Variants in PDE4D observed in about 807,000 individuals in gnomAD.
The protein encoded by PDE4D is phosphodiesterase 4D, also known as 3',5'-cyclic-AMP phosphodiesterase 4D.
PDE4D carries 24 observed loss-of-function variants against 87.4 expected under a neutral mutation model. That is an observed-to-expected ratio of 0.27 (90% CI 0.20 to 0.39). The LOEUF (loss-of-function observed/expected upper bound fraction) is 0.39. PDE4D is among the 10% of genes least tolerant of loss of function. The pLI is 1.00. For synonymous variants in PDE4D, 384 were observed against 383.2 expected, an observed-to-expected ratio of 1.00 and a Z score of -0.02; for missense variants, 714 against 1,041.0, an observed-to-expected ratio of 0.69 and a Z score of 4.32.
At chr5:59,156,321 AT>A (rs1197222457) in intron 5 of PDE4D, among the ~76,000 whole-genome samples, 81 of 21,284 alleles carry the variant, frequency 3.8e-3, no homozygotes, top group Middle Eastern at 0.018. Context: ...AAAAAAAAAA[AT>A]ATATATATAT....
At chr5:59,118,954 G>A (rs990361995) in intron 5 of PDE4D, among the ~76,000 whole-genome samples, 1 of 152,146 alleles carries the variant, frequency 6.6e-6, no homozygotes, top group Non-Finnish European at 1.5e-5. Context: ...TGAGAGAATT[G>A]TATAAAGTGG....
At chr5:59,676,098 TACAC>T (rs145556614) in intron 1 of PDE4D, among the ~76,000 whole-genome samples, 4,017 of 149,924 alleles carry the variant, frequency 0.027, 172 homozygotes, top group African/African-American at 0.086. Flanking sequence ...TATATGTATA[TACAC>T]ACACACACAC....
intron 2 of PDE4D, among the ~76,000 whole-genome samples, chr5:60,168,337 T>G (rs1325652587): frequency 6.6e-6 from 1 of 152,228 alleles, no homozygotes; most frequent in African/African-American, 2.4e-5. Context: ...GGAGGAAGAC[T>G]TTTAATGCCT....
intron 3 of PDE4D, among the ~76,000 whole-genome samples, chr5:59,969,001 CGA>C (rs747865965): frequency 1.4e-5 from 2 of 139,738 alleles, no homozygotes; most frequent in Admixed American, 6.9e-5. Flanking sequence ...ACCCCCCCCC[CGA>C]AAAAAAGAGA....
At chr5:60,321,786 A>T (rs1216552311) in intron 1 of PDE4D, among the ~76,000 whole-genome samples, 3 of 152,210 alleles carry the variant, frequency 2.0e-5, no homozygotes, top group Non-Finnish European at 4.4e-5. Flanking sequence ...ACAAATATGT[A>T]AAAATGTTCA....
intron 1 of PDE4D, among the ~76,000 whole-genome samples, chr5:60,281,255 T>C (rs183431160): frequency 6.6e-6 from 1 of 152,264 alleles, no homozygotes; most frequent in African/African-American, 2.4e-5. Context: ...AGATACTTTC[T>C]CCAAACGTAC....
intron 2 of PDE4D, among the ~76,000 whole-genome samples, chr5:60,133,551 GA>G (rs955965834): frequency 1.3e-5 from 2 of 151,588 alleles, no homozygotes; most frequent in African/African-American, 4.8e-5. Context: ...TAACTATCAT[GA>G]AAAAAAAGAC....
chr5:60,126,449 A>G (rs981229951), intron 2 of PDE4D, among the ~76,000 whole-genome samples: 4 of 152,200 alleles, frequency 2.6e-5, no homozygotes, highest in African/African-American at 9.7e-5. Flanking sequence ...TACCACTTCT[A>G]CCAAATCTTT....
In PDE4D at chr5:59,459,748, G is replaced by T. The variant is rs375076904; in HGVS notation, c.456-243780C>A. Among the ~76,000 whole-genome samples, 5 of 152,224 alleles carry T rather than the reference G, an allele frequency of 3.3e-5. 1 individual carries two copies. Among genetic ancestry groups the T allele is most frequent in the African/African-American group, 1.2e-4 (5 of 41,546 alleles). On this transcript the variant is annotated intron_variant, in intron 1 of 14. Transcript: ENST00000340635. ...CAATCTGTTCAATTCTTTTAGTTAC[G>T]GAAGGAAGCTAATTCAGTCCTGTGT...
At chr5:59,963,858 A>T (rs1284820677) in intron 3 of PDE4D, among the ~76,000 whole-genome samples, 2 of 152,136 alleles carry the variant, frequency 1.3e-5, no homozygotes, top group Non-Finnish European at 2.9e-5. Context: ...CAACCCTCCT[A>T]GACTGATGAA....
At chr5:60,407,818 C>T (rs1413690859) in intron 1 of PDE4D, among the ~76,000 whole-genome samples, 1 of 152,110 alleles carries the variant, frequency 6.6e-6, no homozygotes, top group Non-Finnish European at 1.5e-5. Context: ...TAGTTTAAAA[C>T]ATGGCTGCAA....
At chr5:59,681,308 G>T (rs972015915) in intron 1 of PDE4D, among the ~76,000 whole-genome samples, 1 of 152,094 alleles carries the variant, frequency 6.6e-6, no homozygotes, top group Non-Finnish European at 1.5e-5. Flanking sequence ...AATATTAAAG[G>T]ATAACAACCT....
In PDE4D at chr5:59,713,493, T is replaced by C. The variant is rs542371061; in HGVS notation, c.455+179675A>G. 1.8e-3 allele frequency among the ~76,000 whole-genome samples: 277 copies of C among 152,266 alleles called. 2 individuals are homozygous for C. Among genetic ancestry groups the C allele is most frequent in the African/African-American group, 6.5e-3 (270 of 41,550 alleles). On this transcript the variant is annotated intron_variant, in intron 1 of 14. Coordinates refer to ENST00000340635, the MANE Select transcript of PDE4D (RefSeq NM_001104631.2). ...CTCACACTCAGACAGTAAAGGCACG[T>C]TGAAACTGTGCATGATTCCTCTAGT...
intron 6 of PDE4D, chr5:58,999,486 T>TA: frequency 6.6e-7 from 1 of 1,509,198 alleles, no homozygotes; most frequent in Non-Finnish European, 9.0e-7. Flanking sequence ...AAGTAAGTCT[T>TA]ACCTTTATGT....
chr5:59,970,057 C>T (rs1011313777), intron 3 of PDE4D, among the ~76,000 whole-genome samples: 3 of 152,098 alleles, frequency 2.0e-5, no homozygotes, highest in African/African-American at 7.2e-5. Context: ...CATCTTTTTC[C>T]TCACGATTGT....
At chr5:58,996,579 G>A (rs1749285470) in intron 6 of PDE4D, among the ~76,000 whole-genome samples, 1 of 152,024 alleles carries the variant, frequency 6.6e-6, no homozygotes, top group African/African-American at 2.4e-5. Flanking sequence ...TCTCAATAAA[G>A]CAAAACAAGG....
intron 1 of PDE4D, among the ~76,000 whole-genome samples, chr5:59,447,659 T>TA (rs1456387491): frequency 6.6e-6 from 1 of 152,238 alleles, no homozygotes; most frequent in Non-Finnish European, 1.5e-5. Context: ...AGAATGTATG[T>TA]AAAAAACTTT....
intron 1 of PDE4D, among the ~76,000 whole-genome samples, chr5:59,662,509 TAA>T (rs542339418): frequency 2.0e-5 from 3 of 152,228 alleles, no homozygotes; most frequent in South Asian, 2.1e-4. Flanking sequence ...TTATTACTCA[TAA>T]AGTTTACTCT....
intron 5 of PDE4D, among the ~76,000 whole-genome samples, chr5:59,110,164 C>T (rs918743691): frequency 8.5e-5 from 13 of 152,234 alleles, no homozygotes; most frequent in Non-Finnish European, 8.8e-5. Context: ...AAGGCCAAAA[C>T]ACTTTGTAGC....
Sources: allele counts gnomAD v4.1 joint callset (sites outside exome capture counted in the v4.1 genomes callset), GRCh38; gene constraint gnomAD v4.1.1; transcripts MANE v1.5; gene names NCBI Gene and HGNC (gene_info 2026-07-23, HGNC 2026-07-21).